CD9: variants seen among roughly 807,000 people sequenced by gnomAD.
The protein encoded by CD9 is CD9 molecule.
A neutral mutation model predicts 31.4 loss-of-function variants in CD9; 10 were observed. The ratio of observed to expected loss-of-function variants is 0.32; its 90% CI spans 0.20 to 0.54. CD9 has a LOEUF of 0.54. Among genes scored for constraint, CD9 ranks in the 20% least tolerant of loss-of-function variants. The probability of loss-of-function intolerance (pLI) is 0.94; values close to 1 mark genes in which losing one functional copy is unlikely to be tolerated. For missense variants in CD9, 259 were observed against 300.1 expected (o/e 0.86, Z 1.01); for synonymous variants, 113 against 114.1 (o/e 0.99, Z 0.06).
chr12:6,236,176 G>C lies in CD9; in HGVS notation c.538-16G>C. 2.5e-6 allele frequency: 4 copies of C among 1,614,030 alleles called. No individual in the cohort carries two copies. Among genetic ancestry groups the C allele is most frequent in the East Asian group, 2.2e-5 (1 of 44,880 alleles). On this transcript the variant is annotated splice_polypyrimidine_tract_variant and intron_variant, in intron 6 of 7. Coordinates refer to ENST00000009180, the MANE Select transcript of CD9 (RefSeq NM_001769.4). ...AAGGATTGTGTGTGACCCAGGTCTTGGTTTGTCTCCCCAAGTCCTGTCCTG... is the reference window on the plus strand; with the variant it reads ...AAGGATTGTGTGTGACCCAGGTCTTCGTTTGTCTCCCCAAGTCCTGTCCTG...
intron 1 of CD9, among the ~76,000 whole-genome samples, chr12:6,202,816 A>G (rs1158530629): frequency 6.6e-6 from 1 of 152,232 alleles, no homozygotes; most frequent in African/African-American, 2.4e-5. Context: ...TCTCTTATTC[A>G]TAGTGAGGCA....
At chr12:6,229,697 C>T (rs560186113) in intron 2 of CD9, among the ~76,000 whole-genome samples, 2 of 151,510 alleles carry the variant, frequency 1.3e-5, no homozygotes, top group Admixed American at 6.6e-5. Context: ...GGTGTAGGGA[C>T]GGGAGCCTGC....
rs1188664461 is a variant in CD9 at position 6,220,513 on chromosome 12, C to T, written c.67-4913C>T. ...AGCAGAGAGCACCCTGAAGGAGCTG[C>T]GAGGTTGAAGAAAAAAAGGGTTCTA... On this transcript the variant is annotated intron_variant, in intron 1 of 7. Coordinates refer to ENST00000009180, the MANE Select transcript of CD9 (RefSeq NM_001769.4). Among the ~76,000 whole-genome samples the T allele has an allele frequency of 3.3e-5, 5 of 152,038 alleles. 1 individual carries two copies. In the Middle Eastern group the frequency reaches 9.5e-3, roughly 289 times the overall value.
intron 1 of CD9, among the ~76,000 whole-genome samples, chr12:6,209,650 A>G (rs886922753): frequency 6.6e-6 from 1 of 151,036 alleles, no homozygotes; most frequent in African/African-American, 2.4e-5. Flanking sequence ...CCTAAGACAC[A>G]ACCCTTTAGA....
At chr12:6,208,764 A>G (rs1282799518) in intron 1 of CD9, among the ~76,000 whole-genome samples, 1 of 151,874 alleles carries the variant, frequency 6.6e-6, no homozygotes, top group Non-Finnish European at 1.5e-5. Flanking sequence ...GGGTTTCTCC[A>G]TGTTGATCAG....
At chr12:6,207,607 C>G (rs1946147125) in intron 1 of CD9, among the ~76,000 whole-genome samples, 1 of 152,216 alleles carries the variant, frequency 6.6e-6, no homozygotes, top group Non-Finnish European at 1.5e-5. Context: ...TCTTCTCCTT[C>G]CCTCCAAATG....
chr12:6,224,886 C>G (rs1193376312), intron 1 of CD9: 1 of 152,682 alleles, frequency 6.5e-6, no homozygotes, highest in Admixed American at 6.5e-5. Context: ...TCACCCAAGT[C>G]AACAGTTAGA....
At chr12:6,235,401 C>T in intron 5 of CD9, 74 bp downstream of exon 5, 1 of 1,614,032 alleles carries the variant, frequency 6.2e-7, no homozygotes, top group Non-Finnish European at 8.5e-7. Flanking sequence ...CTGACTGCAC[C>T]AGACCAGTGC....
At chr12:6,222,352 C>T (rs1260328251) in intron 1 of CD9, among the ~76,000 whole-genome samples, 2 of 152,222 alleles carry the variant, frequency 1.3e-5, no homozygotes, top group African/African-American at 2.4e-5. Flanking sequence ...CCTGGCCCTC[C>T]CTTTTCTCTG....
At chr12:6,236,164 G>C (rs1030789827) in intron 6 of CD9, 28 bp from the exon 7 acceptor site, 27 of 1,613,440 alleles carry the variant, frequency 1.7e-5, no homozygotes, top group Non-Finnish European at 2.3e-5. Context: ...GATTGTGTGT[G>C]ACCCAGGTCT....
At chr12:6,201,307 A>AG (rs1946074326) in intron 1 of CD9, among the ~76,000 whole-genome samples, 1 of 54,816 alleles carries the variant, frequency 1.8e-5, no homozygotes, top group Non-Finnish European at 4.7e-5. Context: ...GAGAGAACTC[A>AG]GAGTTCGGGA....
intron 1 of CD9, among the ~76,000 whole-genome samples, chr12:6,203,298 C>G (rs1946095593): frequency 6.6e-6 from 1 of 152,148 alleles, no homozygotes; most frequent in African/African-American, 2.4e-5. Flanking sequence ...CCAAGACTCC[C>G]TTAAGGAAAG....
rs1020110105 is a variant in CD9, at chr12:6,203,242, G to A, written c.66+2677G>A. ...CAGAACTAGGTTACTTTACCCAACTGGTTTTGGCTGCTGAGTGGGAATGGG... is the reference window on the plus strand; with the variant it reads ...CAGAACTAGGTTACTTTACCCAACTAGTTTTGGCTGCTGAGTGGGAATGGG... On this transcript the variant is annotated intron_variant, in intron 1 of 7. Transcript: ENST00000009180. Among the ~76,000 whole-genome samples the A allele has an allele frequency of 2.0e-5, 3 of 152,138 alleles. No individual in the cohort carries two copies. The South Asian group carries it at 6.2e-4, about 32-fold the overall frequency.
At chr12:6,200,737 G>C (rs1246819568) in intron 1 of CD9, 172 bp downstream of exon 1, 21 of 489,742 alleles carry the variant, frequency 4.3e-5, no homozygotes, top group Non-Finnish European at 7.2e-5. Flanking sequence ...CGGGTCCAGA[G>C]CCGGGCGGGA....
At chr12:6,231,564 GA>G (rs1946447028) in intron 2 of CD9, among the ~76,000 whole-genome samples, 1 of 152,242 alleles carries the variant, frequency 6.6e-6, no homozygotes, top group South Asian at 2.1e-4. Context: ...GGCTTCTCAA[GA>G]ATAGAACTGT....
At chr12:6,210,309 C>T (rs1946181089) in intron 1 of CD9, among the ~76,000 whole-genome samples, 1 of 152,212 alleles carries the variant, frequency 6.6e-6, no homozygotes, top group Non-Finnish European at 1.5e-5. Context: ...AACAGTGCAG[C>T]CAAGGGGAAA....
chr12:6,217,052 C>T (rs910876516), intron 1 of CD9, among the ~76,000 whole-genome samples: 4 of 152,216 alleles, frequency 2.6e-5, no homozygotes, highest in Admixed American at 6.5e-5. Context: ...AGGACTGTAA[C>T]GTTCAGAGAA....
intron 1 of CD9, among the ~76,000 whole-genome samples, chr12:6,213,449 C>T (rs976322187): frequency 5.3e-5 from 8 of 152,214 alleles, no homozygotes; most frequent in African/African-American, 1.9e-4. Flanking sequence ...GCTGGAAGCG[C>T]CTGTAAGAAT....
intron 2 of CD9, among the ~76,000 whole-genome samples, chr12:6,231,697 C>G (rs1946448557): frequency 6.6e-6 from 1 of 152,214 alleles, no homozygotes; most frequent in African/African-American, 2.4e-5. Flanking sequence ...ATAGAAGTTG[C>G]TGCCCTTCTC....
Sources: allele counts gnomAD v4.1 joint callset (sites outside exome capture counted in the v4.1 genomes callset), GRCh38; gene constraint gnomAD v4.1.1; transcripts MANE v1.5; gene names NCBI Gene and HGNC (gene_info 2026-07-23, HGNC 2026-07-21).